The following LHFPL3 variants were observed in gnomAD, a reference collection of about 807,000 sequenced individuals.
LHFPL3 encodes LHFPL tetraspan subfamily member 3 protein.
Under a neutral mutation model 19.3 loss-of-function variants are expected in LHFPL3, and 5 were observed. That is an observed-to-expected ratio of 0.26 (90% confidence interval 0.14 to 0.54). The LOEUF is 0.54. Ranked by LOEUF, LHFPL3 falls within the 20% of genes least tolerant of loss-of-function variation. The pLI is 0.94. For synonymous variants in LHFPL3, 133 were observed against 126.2 expected (o/e 1.05, Z -0.36); for missense variants, 249 against 307.4 (o/e 0.81, Z 1.42).
chr7:104,746,792 T>C (rs1794054540), intron 2 of LHFPL3, among the ~76,000 whole-genome samples: 1 of 152,206 alleles, frequency 6.6e-6, no homozygotes, highest in Non-Finnish European at 1.5e-5. Flanking sequence ...TTTCACAATA[T>C]CTAACACATG....
At chr7:104,903,166 G>C (rs184174899) in intron 2 of LHFPL3, among the ~76,000 whole-genome samples, 1 of 152,170 alleles carries the variant, frequency 6.6e-6, no homozygotes, top group East Asian at 1.9e-4. Context: ...CCCTGACTGG[G>C]ATGCAGCCTT....
chr7:104,545,239 A>C (rs1340992816), intron 1 of LHFPL3, among the ~76,000 whole-genome samples: 1 of 152,178 alleles, frequency 6.6e-6, no homozygotes, highest in African/African-American at 2.4e-5. Context: ...TATATCACTG[A>C]AGACAGGAAG....
At chr7:104,364,228 T>C (rs895345289) in intron 1 of LHFPL3, among the ~76,000 whole-genome samples, 4 of 152,348 alleles carry the variant, frequency 2.6e-5, no homozygotes, top group Admixed American at 1.3e-4. Context: ...CCATTGGCTA[T>C]AGGCAAAGTT....
chr7:104,486,719 A>G (rs76324407), intron 1 of LHFPL3, among the ~76,000 whole-genome samples: 11,062 of 152,236 alleles, frequency 0.073, 543 homozygotes, highest in East Asian at 0.2. Context: ...TTTTGATATT[A>G]TTAGTTCTAC....
At chr7:104,468,301 G>A (rs1430335991) in intron 1 of LHFPL3, among the ~76,000 whole-genome samples, 2 of 152,198 alleles carry the variant, frequency 1.3e-5, no homozygotes, top group Non-Finnish European at 2.9e-5. Context: ...CACATTGACA[G>A]AATATATGCT....
intron 2 of LHFPL3, among the ~76,000 whole-genome samples, chr7:104,864,194 G>A (rs1791671707): frequency 6.6e-6 from 1 of 152,230 alleles, no homozygotes; most frequent in Non-Finnish European, 1.5e-5. Context: ...GAGCAACACA[G>A]AAGATGGGTT....
chr7:104,492,764 T>C (rs1363238391), intron 1 of LHFPL3, among the ~76,000 whole-genome samples: 1 of 152,252 alleles, frequency 6.6e-6, no homozygotes, highest in Non-Finnish European at 1.5e-5. Flanking sequence ...AAAATAGTTT[T>C]ATTTTAACCC....
intron 1 of LHFPL3, among the ~76,000 whole-genome samples, chr7:104,603,059 T>C (rs1234268693): frequency 7.0e-6 from 1 of 142,456 alleles, no homozygotes. Flanking sequence ...TTTTTTTCTT[T>C]CTTTCTTTTT....
intron 1 of LHFPL3, among the ~76,000 whole-genome samples, chr7:104,652,683 G>C (rs1034998582): frequency 1.2e-4 from 19 of 152,154 alleles, no homozygotes; most frequent in Admixed American, 2.6e-4. Flanking sequence ...GCTTGGAGGT[G>C]GTGAACGAGG....
intron 1 of LHFPL3, among the ~76,000 whole-genome samples, chr7:104,429,305 T>C (rs1791906686): frequency 7.1e-6 from 1 of 141,080 alleles, no homozygotes; most frequent in Non-Finnish European, 1.5e-5. Flanking sequence ...TCATTCCTTT[T>C]TTTTTTTTTT....
chr7:104,484,473 A>G (rs532972806), intron 1 of LHFPL3, among the ~76,000 whole-genome samples: 1 of 152,252 alleles, frequency 6.6e-6, no homozygotes, highest in African/African-American at 2.4e-5. Flanking sequence ...TCAAAAATCA[A>G]TGGGGTATGT....
At chr7:104,395,350 CT>C (rs1791161802) in intron 1 of LHFPL3, among the ~76,000 whole-genome samples, 1 of 152,160 alleles carries the variant, frequency 6.6e-6, no homozygotes, top group Non-Finnish European at 1.5e-5. Flanking sequence ...TAGCAAGATC[CT>C]CCTGTTTGCT....
At chr7:104,747,265 G>A (rs1794065394) in intron 2 of LHFPL3, among the ~76,000 whole-genome samples, 1 of 152,198 alleles carries the variant, frequency 6.6e-6, no homozygotes, top group South Asian at 2.1e-4. Flanking sequence ...TTCTTAGAAT[G>A]TTACACATTT....
At chr7:104,548,879 C>T (rs1375459405) in intron 1 of LHFPL3, among the ~76,000 whole-genome samples, 1 of 152,150 alleles carries the variant, frequency 6.6e-6, no homozygotes, top group Non-Finnish European at 1.5e-5. Context: ...CAGCCTGGCT[C>T]CCTGCACAAA....
At chr7:104,864,575 G>A (rs561853218) in intron 2 of LHFPL3, among the ~76,000 whole-genome samples, 15 of 151,954 alleles carry the variant, frequency 9.9e-5, no homozygotes, top group Non-Finnish European at 1.5e-4. Context: ...GGGGAGGGGC[G>A]CCCGCCATTG....
chr7:104,494,477 A>T (rs1406921934), intron 1 of LHFPL3, among the ~76,000 whole-genome samples: 1 of 151,984 alleles, frequency 6.6e-6, no homozygotes, highest in Non-Finnish European at 1.5e-5. Context: ...CTCTCCTCTC[A>T]TTTTCACATG....
At chr7:104,601,114 C>A (rs1041104356) in intron 1 of LHFPL3, among the ~76,000 whole-genome samples, 19 of 152,170 alleles carry the variant, frequency 1.2e-4, no homozygotes, top group Non-Finnish European at 2.9e-5. Context: ...TATTTATAAG[C>A]ATAGCATATA....
intron 2 of LHFPL3, among the ~76,000 whole-genome samples, chr7:104,892,580 G>A (rs550332970): frequency 7.9e-5 from 12 of 151,482 alleles, no homozygotes; most frequent in Non-Finnish European, 1.6e-4. Flanking sequence ...GTGTGGTGGC[G>A]GGCACCTGTA....
chr7:104,729,941 T>C (rs1280789581), intron 1 of LHFPL3, among the ~76,000 whole-genome samples: 3 of 148,034 alleles, frequency 2.0e-5, no homozygotes, highest in Non-Finnish European at 4.5e-5. Flanking sequence ...TTCCCCTTCC[T>C]GTGTCCAAGT....
Sources: gnomAD v4.1 joint callset for allele counts (sites outside exome capture counted in the v4.1 genomes callset) on GRCh38, gnomAD v4.1.1 for gene constraint, MANE v1.5 for transcripts, NCBI Gene and HGNC (gene_info 2026-07-23, HGNC 2026-07-21) for gene names.